CACNA2D3: variants seen among roughly 807,000 people sequenced by gnomAD.
The protein encoded by CACNA2D3 is voltage-dependent calcium channel subunit alpha-2/delta-3.
Under a neutral mutation model 160.6 loss-of-function variants are expected in CACNA2D3, and 60 were observed. The ratio of observed to expected loss-of-function variants is 0.37; its 90% CI spans 0.30 to 0.46. The LOEUF (loss-of-function observed/expected upper bound fraction) is 0.46, where lower values mean the gene tolerates loss of function less well. Among genes scored for constraint, CACNA2D3 ranks in the 20% least tolerant of loss-of-function variants. CACNA2D3 has a pLI of 1.00. For missense variants in CACNA2D3, 1,205 were observed against 1,365.0 expected (o/e 0.88, Z 1.85); for synonymous variants, 558 against 492.9 (o/e 1.13, Z -1.75).
At chr3:54,670,397 A>G (rs1439111611) in intron 11 of CACNA2D3, among the ~76,000 whole-genome samples, 1 of 152,192 alleles carries the variant, frequency 6.6e-6, no homozygotes. Context: ...TGCCCTAATA[A>G]ATCAGAGAAG....
intron 2 of CACNA2D3, among the ~76,000 whole-genome samples, chr3:54,190,760 T>C (rs72972043): frequency 0.015 from 2,320 of 152,300 alleles, 57 homozygotes; most frequent in African/African-American, 0.054. Context: ...TTTACAAACA[T>C]TAGTTGCAAC....
chr3:55,073,659 T>C (rs1466743193), intron 36 of CACNA2D3, 102 bp downstream of exon 36: 1 of 1,235,154 alleles, frequency 8.1e-7, no homozygotes, highest in Non-Finnish European at 1.2e-6. Flanking sequence ...GAAAATTACA[T>C]CCTTTCCACT....
intron 13 of CACNA2D3, among the ~76,000 whole-genome samples, chr3:54,800,313 T>C (rs1702956249): frequency 6.6e-6 from 1 of 152,218 alleles, no homozygotes; most frequent in Admixed American, 6.5e-5. Flanking sequence ...TGCATCCTTA[T>C]TGTAGTTTTA....
intron 2 of CACNA2D3, among the ~76,000 whole-genome samples, chr3:54,190,447 T>C (rs1278243648): frequency 6.6e-6 from 1 of 152,186 alleles, no homozygotes; most frequent in Non-Finnish European, 1.5e-5. Context: ...TCTAGGTGAG[T>C]GGTGTCTCAC....
chr3:54,889,131 C>T (rs1699997212), intron 24 of CACNA2D3, among the ~76,000 whole-genome samples: 2 of 152,104 alleles, frequency 1.3e-5, no homozygotes, highest in African/African-American at 4.8e-5. Flanking sequence ...ACACAGCTGA[C>T]ATATAGAGGA....
At chr3:54,227,223 T>C (rs79616496) in intron 2 of CACNA2D3, among the ~76,000 whole-genome samples, 3 of 152,276 alleles carry the variant, frequency 2.0e-5, no homozygotes, top group South Asian at 4.2e-4. Flanking sequence ...GTAGGGGCTA[T>C]GTTTTCACGT....
intron 31 of CACNA2D3, among the ~76,000 whole-genome samples, chr3:55,004,397 A>G (rs1482931201): frequency 6.6e-6 from 1 of 152,206 alleles, no homozygotes; most frequent in African/African-American, 2.4e-5. Flanking sequence ...GACATGGCCC[A>G]AGTAAATTCC....
chr3:54,761,036 G>A (rs1452992324), intron 12 of CACNA2D3, among the ~76,000 whole-genome samples: 1 of 151,938 alleles, frequency 6.6e-6, no homozygotes, highest in Non-Finnish European at 1.5e-5. Flanking sequence ...TCTCAGCTCT[G>A]TCCTTTTCCA....
At chr3:54,505,848 A>G (rs1199847113) in intron 5 of CACNA2D3, among the ~76,000 whole-genome samples, 1 of 152,198 alleles carries the variant, frequency 6.6e-6, no homozygotes, top group Non-Finnish European at 1.5e-5. Flanking sequence ...AGGGACCCAC[A>G]CCACCACTGA....
intron 36 of CACNA2D3, 108 bp from the exon 37 acceptor site, chr3:55,073,669 T>C: frequency 8.1e-7 from 1 of 1,238,562 alleles, no homozygotes; most frequent in Middle Eastern, 1.9e-4. Context: ...TCCTTTCCAC[T>C]GTTGGAGAGA....
intron 9 of CACNA2D3, among the ~76,000 whole-genome samples, chr3:54,587,434 A>G (rs560682455): frequency 1.3e-5 from 2 of 152,124 alleles, no homozygotes; most frequent in South Asian, 2.1e-4. Context: ...GCATGTGCCT[A>G]TAGTCCCAGC....
chr3:54,929,033 G>A (rs1701111509), intron 27 of CACNA2D3, among the ~76,000 whole-genome samples: 1 of 152,150 alleles, frequency 6.6e-6, no homozygotes, highest in African/African-American at 2.4e-5. Flanking sequence ...GTAACTGTGT[G>A]TACGCTTTTA....
chr3:54,579,169 A>T (rs1253672689), intron 8 of CACNA2D3, among the ~76,000 whole-genome samples: 1 of 152,172 alleles, frequency 6.6e-6, no homozygotes, highest in East Asian at 1.9e-4. Context: ...CCACGGTGGG[A>T]ACCTCAGTTA....
rs1702992348 is a variant in CACNA2D3 at position 54,285,499 on chromosome 3, G to A, written c.205-34943G>A. 3.9e-5 allele frequency among the ~76,000 whole-genome samples: 6 copies of A among 152,196 alleles called. No individual in the cohort carries two copies. The South Asian group carries it at 1.0e-3, about 26-fold the overall frequency. On this transcript the variant is annotated intron_variant, in intron 2 of 37. Coordinates refer to ENST00000474759, the MANE Select transcript of CACNA2D3 (RefSeq NM_018398.3). Reference sequence around the variant, plus strand: ...GCCTGCCTCTGTAGGCTCCACCTCTGGGGGCAGGGCACAGACAAACAAAAA... The same window carrying A: ...GCCTGCCTCTGTAGGCTCCACCTCTAGGGGCAGGGCACAGACAAACAAAAA...
intron 35 of CACNA2D3, among the ~76,000 whole-genome samples, chr3:55,045,886 A>G (rs1206440806): frequency 5.9e-5 from 9 of 151,560 alleles, no homozygotes; most frequent in Admixed American, 5.3e-4. Flanking sequence ...TCTATTCTCA[A>G]TTCTAATATT....
intron 27 of CACNA2D3, among the ~76,000 whole-genome samples, chr3:54,941,365 CCT>C (rs1183500239): frequency 2.0e-5 from 3 of 152,170 alleles, no homozygotes; most frequent in Non-Finnish European, 4.4e-5. Context: ...AAGTAAGCCC[CCT>C]GTGTGAGAGT....
At chr3:54,626,495 G>C in intron 9 of CACNA2D3, 1 of 1,607,708 alleles carries the variant, frequency 6.2e-7, no homozygotes, top group South Asian at 1.1e-5. Flanking sequence ...AGCATGGTGG[G>C]CGTCTACAAC....
chr3:54,640,872 T>G (rs1027158547), intron 10 of CACNA2D3, among the ~76,000 whole-genome samples: 1 of 152,198 alleles, frequency 6.6e-6, no homozygotes, highest in African/African-American at 2.4e-5. Context: ...AAGTAGCCCA[T>G]TGTTTGTATA....
At chr3:54,274,035 G>C (rs1276737945) in intron 2 of CACNA2D3, among the ~76,000 whole-genome samples, 4 of 151,940 alleles carry the variant, frequency 2.6e-5, no homozygotes, top group Non-Finnish European at 5.9e-5. Flanking sequence ...TATAGCCATG[G>C]TATCTCATAG....
Sources: gnomAD v4.1 joint callset for allele counts (sites outside exome capture counted in the v4.1 genomes callset) on GRCh38, gnomAD v4.1.1 for gene constraint, MANE v1.5 for transcripts, NCBI Gene and HGNC (gene_info 2026-07-23, HGNC 2026-07-21) for gene names.